The following COL9A1 variants were observed in gnomAD, a reference collection of about 807,000 sequenced individuals.
The protein encoded by COL9A1 is collagen type IX alpha 1 chain.
COL9A1 carries 104 observed loss-of-function variants against 142.6 expected under a neutral mutation model. The ratio of observed to expected loss-of-function variants is 0.73; its 90% confidence interval spans 0.62 to 0.86. The LOEUF is 0.86. Among genes scored for constraint, COL9A1 ranks in the 40% least tolerant of loss-of-function variants. COL9A1 has a pLI of 0.00. For missense variants in COL9A1, 1,210 were observed against 1,176.6 expected (o/e 1.03, Z -0.42); for synonymous variants, 466 against 396.0 (o/e 1.18, Z -2.10).
chr6:70,244,820 C>CGAAAAGACAGAGAAAA, intron 28 of COL9A1, among the ~76,000 whole-genome samples: 1 of 152,100 alleles, frequency 6.6e-6, no homozygotes, highest in South Asian at 2.1e-4. Flanking sequence ...TCTGTCTTTT[C>CGAAAAGACAGAGAAAA]TAAGTTCTTA....
rs746183818 is a variant in COL9A1 at position 70,254,477 on chromosome 6, G to C, written c.1718C>G (p.Pro573Arg). The change falls in exon 25 of 38, where the codon CCA becomes CGA. Residue 573 changes from proline (P) to arginine (R), a missense_variant and splice_region_variant. By Grantham distance (103) the Pro-to-Arg change is moderately radical. Coordinates refer to ENST00000357250, the MANE Select transcript of COL9A1 (RefSeq NM_001851.6). ...PPGDAGLQGL[P>R]GVPGIPGAKG... ...ACATGTAAAGAATCAAATACTTACT[G>C]GTAACCCCTGCAATCCTGCATCACC... is the stretch of plus-strand genomic sequence containing the variant. 1.2e-6 allele frequency: 2 copies of C among 1,613,894 alleles called. No individual in the cohort carries two copies. Among genetic ancestry groups the C allele is most frequent in the Admixed American group, 1.7e-5 (1 of 60,006 alleles).
At chr6:70,251,573 A>T (rs925600064) in intron 28 of COL9A1, among the ~76,000 whole-genome samples, 2 of 152,240 alleles carry the variant, frequency 1.3e-5, no homozygotes, top group African/African-American at 4.8e-5. Flanking sequence ...TTATTTTTAA[A>T]AAACAAAAAG....
At chr6:70,260,811 C>A in intron 19 of COL9A1, 101 bp from the exon 20 acceptor site, 1 of 1,054,446 alleles carries the variant, frequency 9.5e-7, no homozygotes, top group Non-Finnish European at 1.4e-6. Context: ...TTATCATAAC[C>A]AAAGGTAATA....
In COL9A1 at chr6:70,217,028, G is replaced by A; in HGVS notation, c.2635C>T (p.Pro879Ser). ...GRNGRDGERG[P>S]PGVAGIPGVP... ...CCAGGAATTCCTGCCACCCCTGGGGGGCCTCGCTCACCGTCTCGGCCATTT... is the reference window on the plus strand; with the variant it reads ...CCAGGAATTCCTGCCACCCCTGGGGAGCCTCGCTCACCGTCTCGGCCATTT... The change falls in exon 38 of 38, where the codon CCC (proline) becomes TCC (serine). Residue 879 changes from proline to serine, a missense_variant. Pro to Ser is a moderately conservative substitution (Grantham distance 74, BLOSUM62 -1). Coordinates refer to ENST00000357250, the MANE Select transcript of COL9A1 (RefSeq NM_001851.6). 6.2e-7 allele frequency: 1 copy of A among 1,614,148 alleles called. No homozygotes were observed.
chr6:70,301,327 G>A (rs1196644899), intron 2 of COL9A1, among the ~76,000 whole-genome samples: 1 of 152,202 alleles, frequency 6.6e-6, no homozygotes. Context: ...TGTAATCCCA[G>A]CACTTTGGGA....
At chr6:70,220,820 ATCTAAAGTGTTATTCTGC>A (rs1013135278) in intron 37 of COL9A1, among the ~76,000 whole-genome samples, 3 of 152,226 alleles carry the variant, frequency 2.0e-5, no homozygotes, top group Non-Finnish European at 4.4e-5. Context: ...GAAAACATGC[ATCTAAAGTGTTATTCTGC>A]TCTGCCTGCC....
chr6:70,264,973 T>C (rs894550421), intron 18 of COL9A1, among the ~76,000 whole-genome samples: 4 of 152,110 alleles, frequency 2.6e-5, no homozygotes, highest in Non-Finnish European at 5.9e-5. Context: ...TCAGTCTATC[T>C]GCTCAGCCTT....
intron 28 of COL9A1, among the ~76,000 whole-genome samples, chr6:70,243,622 G>C (rs1326985895): frequency 6.6e-6 from 1 of 152,090 alleles, no homozygotes; most frequent in Admixed American, 6.5e-5. Flanking sequence ...CCATCTCCCA[G>C]GTTCAAGTGA....
intron 14 of COL9A1, among the ~76,000 whole-genome samples, chr6:70,270,864 G>T (rs564186218): frequency 6.6e-6 from 1 of 152,244 alleles, no homozygotes; most frequent in African/African-American, 2.4e-5. Context: ...TGCACCTCTT[G>T]CAATGAGTCA....
In COL9A1 at chr6:70,287,556, A is replaced by G. The variant is rs142578567; in HGVS notation, c.697-3736T>C. Among the ~76,000 whole-genome samples the G allele has an allele frequency of 3.3e-5, 5 of 152,272 alleles. No homozygotes were observed. The East Asian group carries it at 9.7e-4, about 29-fold the overall frequency. Reference sequence around the variant, plus strand: ...GAAAAATCCTCCCCACATTTTACATACCACTTCAGCTGCCATCCTCTGTTC... The same window carrying G: ...GAAAAATCCTCCCCACATTTTACATGCCACTTCAGCTGCCATCCTCTGTTC... On this transcript the variant is annotated intron_variant, in intron 5 of 37. Transcript: ENST00000357250.
At chr6:70,299,995 A>C in intron 4 of COL9A1, 48 bp downstream of exon 4, 1 of 1,542,258 alleles carries the variant, frequency 6.5e-7, no homozygotes, top group Non-Finnish European at 9.0e-7. Context: ...ATCCATTTTT[A>C]ATGCATTTGA....
intron 37 of COL9A1, among the ~76,000 whole-genome samples, chr6:70,221,852 G>C (rs557841659): frequency 1.5e-4 from 23 of 152,280 alleles, no homozygotes; most frequent in Non-Finnish European, 3.2e-4. Context: ...TGAGACAACC[G>C]ACCAAGCAAT....
At chr6:70,286,951 A>T (rs1178229158) in intron 5 of COL9A1, among the ~76,000 whole-genome samples, 1 of 152,238 alleles carries the variant, frequency 6.6e-6, no homozygotes, top group Non-Finnish European at 1.5e-5. Context: ...TTTGGGATAG[A>T]CACCATGAAA....
In COL9A1 at chr6:70,216,951, G is replaced by T; in HGVS notation, c.2712C>A (p.Ala904=). 6.2e-7 allele frequency: 1 copy of T among 1,614,148 alleles called. No individual in the cohort carries two copies. Among genetic ancestry groups the T allele is most frequent in the Non-Finnish European group, 8.5e-7 (1 of 1,180,032 alleles). The stretch of plus-strand genomic sequence containing the variant: ...GCTGACCAGCCTGCATGGTGCAGGA[G>T]GCTGGCTCACAGAAACCGGGAAGCC... ...PPGLPGFCEP[A]SCTMQAGQRA... The change falls in exon 38 of 38, where the codon GCC becomes GCA. Residue 904 remains alanine (A), a synonymous_variant. Transcript: ENST00000357250.
chr6:70,242,262 C>G (rs138060865), intron 29 of COL9A1: 6 of 601,488 alleles, frequency 1.0e-5, no homozygotes, highest in Non-Finnish European at 1.5e-5. Flanking sequence ...TCCCCTTGCA[C>G]TCCTTGGCAA....
intron 5 of COL9A1, among the ~76,000 whole-genome samples, chr6:70,285,067 C>T (rs1392969709): frequency 3.3e-5 from 5 of 152,186 alleles, no homozygotes; most frequent in African/African-American, 9.7e-5. Context: ...AAACCTATAT[C>T]TTTTGTTTCA....
intron 33 of COL9A1, among the ~76,000 whole-genome samples, chr6:70,238,018 T>C (rs992037075): frequency 2.0e-5 from 3 of 152,206 alleles, no homozygotes; most frequent in Non-Finnish European, 4.4e-5. Context: ...GTTCTAGGTA[T>C]GTAGGAGATG....
intron 13 of COL9A1, 64 bp from the exon 14 acceptor site, chr6:70,271,772 T>G (rs1323429480): frequency 1.5e-5 from 21 of 1,411,498 alleles, no homozygotes; most frequent in Non-Finnish European, 2.1e-5. Flanking sequence ...TCATACATTA[T>G]ATCAAATATG....
chr6:70,229,231 G>A (rs1769401864), intron 36 of COL9A1, among the ~76,000 whole-genome samples: 2 of 152,130 alleles, frequency 1.3e-5, no homozygotes, highest in African/African-American at 4.8e-5. Flanking sequence ...ATGTATACAG[G>A]TTGGTTCTAT....
Sources: allele counts gnomAD v4.1 joint callset (sites outside exome capture counted in the v4.1 genomes callset), GRCh38; gene constraint gnomAD v4.1.1; transcripts MANE v1.5; gene names NCBI Gene and HGNC (gene_info 2026-07-23, HGNC 2026-07-21).